The following CFAP97D2 variants were observed in gnomAD, a reference collection of about 807,000 sequenced individuals.
The protein encoded by CFAP97D2 is CFAP97 domain containing 2.
intron 1 of CFAP97D2, among the ~76,000 whole-genome samples, chr13:114,191,370 G>A (rs1408418993): frequency 2.0e-5 from 3 of 152,078 alleles, no homozygotes; most frequent in South Asian, 2.1e-4. Context: ...CAAAAGATAC[G>A]TCTGATAAAA....
rs191314183 is a variant in CFAP97D2 at position 114,203,804 on chromosome 13, G to A, written c.290+3361G>A. On this transcript the variant is annotated intron_variant, in intron 3 of 4. Coordinates refer to ENST00000646158, the Ensembl canonical transcript of CFAP97D2. The surrounding 1 kb of genome is among the most constrained non-coding windows in gnomAD (Gnocchi z 4.3). ...AGGCCCTGGGCAGGTTCCCTCATCT[G>A]CACAAAAGCATCTGGTGTAAACACT... 2.0e-5 allele frequency among the ~76,000 whole-genome samples: 3 copies of A among 152,274 alleles called. No homozygotes were observed. Among genetic ancestry groups the A allele is most frequent in the Non-Finnish European group, 2.9e-5 (2 of 68,028 alleles).
intron 3 of CFAP97D2, among the ~76,000 whole-genome samples, chr13:114,210,644 C>T (rs754962227): frequency 1.3e-5 from 2 of 152,050 alleles, no homozygotes; most frequent in African/African-American, 2.4e-5. Flanking sequence ...AGCACCACTT[C>T]GATGCTGCAG....
chr13:114,189,427 C>A lies in CFAP97D2; in HGVS notation c.91-6969C>A, dbSNP rs779308122. ...ATTTAAGGAAGAAATTTTACCTATT[C>A]TCTACAATCGCTTTCAGAGGACTGA... On this transcript the variant is annotated intron_variant, in intron 1 of 4. Coordinates refer to ENST00000646158, the Ensembl canonical transcript of CFAP97D2. This position sits in a 1 kb window ranked among gnomAD's most constrained non-coding sequence, Gnocchi z 4.5. Among the ~76,000 whole-genome samples the A allele has an allele frequency of 1.3e-5, 2 of 152,176 alleles. No homozygotes were observed. Among genetic ancestry groups the A allele is most frequent in the Non-Finnish European group, 2.9e-5 (2 of 68,036 alleles).
chr13:114,191,717 C>T (rs990811711), intron 1 of CFAP97D2, among the ~76,000 whole-genome samples: 1 of 152,150 alleles, frequency 6.6e-6, no homozygotes, highest in African/African-American at 2.4e-5. Context: ...TATTACCATA[C>T]AATCCAGCAA....
rs940063168 is a variant in CFAP97D2, at chr13:114,211,090, G to A, written c.291-822G>A. ...CACCAACCATCCACCATTATTCCCT[G>A]CTTCCACAAATCTCCCTAGTTCACC... On this transcript the variant is annotated intron_variant, in intron 3 of 4. Transcript: ENST00000646158. The surrounding 1 kb of genome is among the most constrained non-coding windows in gnomAD (Gnocchi z 4.2). 2.6e-4 allele frequency among the ~76,000 whole-genome samples: 40 copies of A among 152,278 alleles called. No individual in the cohort carries two copies. The highest frequency in any genetic ancestry group is 9.4e-4 in the African/African-American group (39 of 41,538).
intron 3 of CFAP97D2, among the ~76,000 whole-genome samples, chr13:114,201,826 G>A (rs2080919237): frequency 6.6e-6 from 1 of 152,190 alleles, no homozygotes. Context: ...CAACATGAGA[G>A]AAACTATAGA....
chr13:114,182,046 C>T (rs183458095), intron 1 of CFAP97D2, among the ~76,000 whole-genome samples: 68 of 152,180 alleles, frequency 4.5e-4, no homozygotes, highest in African/African-American at 1.6e-3. Context: ...CTCAGCATAC[C>T]AAGGACCTGC....
intron 4 of CFAP97D2, among the ~76,000 whole-genome samples, chr13:114,218,354 C>T (rs2081005264): frequency 1.3e-5 from 2 of 152,164 alleles, no homozygotes; most frequent in Admixed American, 6.5e-5. Context: ...GAACTATAAA[C>T]CACTGCTCAA....
rs562238961 is a variant in CFAP97D2, at chr13:114,186,797, C to T, written c.90+7377C>T. On this transcript the variant is annotated intron_variant, in intron 1 of 4. Coordinates refer to ENST00000646158, the Ensembl canonical transcript of CFAP97D2. The surrounding 1 kb of genome is among the most constrained non-coding windows in gnomAD (Gnocchi z 4.3). ...CATCTCACTGCAGCAGCTGGCATGA[C>T]TGGCTGTGCAGTGACTGGACCCCAC... 6.6e-6 allele frequency among the ~76,000 whole-genome samples: 1 copy of T among 152,382 alleles called. No homozygotes were observed. The highest frequency in any genetic ancestry group is 2.4e-5 in the African/African-American group (1 of 41,598).
intron 4 of CFAP97D2, among the ~76,000 whole-genome samples, chr13:114,213,133 C>T (rs73575123): frequency 0.027 from 4,146 of 152,260 alleles, 182 homozygotes; most frequent in African/African-American, 0.094. Context: ...TTCCATCACT[C>T]GCTTTACCTG....
In CFAP97D2 at chr13:114,185,535, C is replaced by T. The variant is rs1027618574; in HGVS notation, c.90+6115C>T. Among the ~76,000 whole-genome samples, 44 of 152,176 alleles carry T rather than the reference C, an allele frequency of 2.9e-4. 1 individual carries two copies. Among genetic ancestry groups the T allele is most frequent in the African/African-American group, 9.2e-4 (38 of 41,448 alleles). The stretch of plus-strand genomic sequence containing the variant: ...AGCTGCAGCCACCTGGCCATGGCTG[C>T]GGACCCAGGCATGTGTGTGGTTCTG... On this transcript the variant is annotated intron_variant, in intron 1 of 4. Transcript: ENST00000646158. The surrounding 1 kb of genome is among the most constrained non-coding windows in gnomAD (Gnocchi z 5.2).
In CFAP97D2 at chr13:114,186,262, C is replaced by T. The variant is rs183998657; in HGVS notation, c.90+6842C>T. On this transcript the variant is annotated intron_variant, in intron 1 of 4. Transcript: ENST00000646158. The surrounding 1 kb of genome is among the most constrained non-coding windows in gnomAD (Gnocchi z 4.3). ...TCTGCTGAGAGCTGAGACGTCAGGA[C>T]AACCAGCTTCAGGGAGGAGCTACCC... Among the ~76,000 whole-genome samples, 1 of 152,180 alleles carries T rather than the reference C, an allele frequency of 6.6e-6. No individual in the cohort carries two copies. The highest frequency in any genetic ancestry group is 6.5e-5 in the Admixed American group (1 of 15,290).
Position 114,185,966 on chromosome 13 carries a change from C to T in CFAP97D2, c.90+6546C>T, listed in dbSNP as rs1235972369. On this transcript the variant is annotated intron_variant, in intron 1 of 4. Transcript: ENST00000646158. The surrounding 1 kb of genome is among the most constrained non-coding windows in gnomAD (Gnocchi z 5.2). Reference sequence around the variant, plus strand: ...TGGGGAGGGCCTGAAGCCTGGGGTTCCAGCTGCCTGTCCTGCAAGCCAGAG... The same window carrying T: ...TGGGGAGGGCCTGAAGCCTGGGGTTTCAGCTGCCTGTCCTGCAAGCCAGAG... Among the ~76,000 whole-genome samples the T allele has an allele frequency of 6.6e-6, 1 of 152,238 alleles. No homozygotes were observed. Among genetic ancestry groups the T allele is most frequent in the African/African-American group, 2.4e-5 (1 of 41,460 alleles).
chr13:114,183,559 G>C (rs2080844824), intron 1 of CFAP97D2, among the ~76,000 whole-genome samples: 1 of 152,158 alleles, frequency 6.6e-6, no homozygotes, highest in Non-Finnish European at 1.5e-5. Flanking sequence ...TTTGGTGTCT[G>C]ATGAGGTCAC....
chr13:114,186,780 T>C lies in CFAP97D2; in HGVS notation c.90+7360T>C, dbSNP rs983892482. On this transcript the variant is annotated intron_variant, in intron 1 of 4. Transcript: ENST00000646158. The surrounding 1 kb of genome is among the most constrained non-coding windows in gnomAD (Gnocchi z 4.3). Reference sequence around the variant, plus strand: ...TGGCACCTGGAGCTGCCCATCTCACTGCAGCAGCTGGCATGACTGGCTGTG... The same window carrying C: ...TGGCACCTGGAGCTGCCCATCTCACCGCAGCAGCTGGCATGACTGGCTGTG... Among the ~76,000 whole-genome samples, 2 of 152,234 alleles carry C rather than the reference T, an allele frequency of 1.3e-5. No homozygotes were observed. Among genetic ancestry groups the C allele is most frequent in the Admixed American group, 1.3e-4 (2 of 15,292 alleles).
chr13:114,187,220 T>A lies in CFAP97D2; in HGVS notation c.90+7800T>A, dbSNP rs1192967781. On this transcript the variant is annotated intron_variant, in intron 1 of 4. Coordinates refer to ENST00000646158, the Ensembl canonical transcript of CFAP97D2. The surrounding 1 kb of genome is among the most constrained non-coding windows in gnomAD (Gnocchi z 4.2). ...TAAGAAGGGAGAGAAAATGGAATCATATAAAATGCTCAATTAAAACCACAA... is the reference window on the plus strand; with the variant it reads ...TAAGAAGGGAGAGAAAATGGAATCAAATAAAATGCTCAATTAAAACCACAA... Among the ~76,000 whole-genome samples, 1 of 152,046 alleles carries A rather than the reference T, an allele frequency of 6.6e-6. No homozygotes were observed. The highest frequency in any genetic ancestry group is 1.5e-5 in the Non-Finnish European group (1 of 68,010).
intron 2 of CFAP97D2, 91 bp downstream of exon 2, chr13:114,196,567 A>C (rs1185855497): frequency 2.5e-6 from 1 of 397,500 alleles, no homozygotes; most frequent in East Asian, 3.6e-5. Flanking sequence ...CAGGGTTAGT[A>C]AGGAATAAAC....
chr13:114,183,413 C>G (rs2138748634), intron 1 of CFAP97D2, among the ~76,000 whole-genome samples: 1 of 152,258 alleles, frequency 6.6e-6, no homozygotes, highest in Admixed American at 6.5e-5. Context: ...GGTGATTAGC[C>G]TGCCTCGACC....
chr13:114,184,552 G>A (rs7983955), intron 1 of CFAP97D2, among the ~76,000 whole-genome samples: 14,277 of 152,204 alleles, frequency 0.094, 689 homozygotes, highest in Middle Eastern at 0.17. Context: ...TCCTCCAGCC[G>A]GTAACCAGGA....
Sources: gnomAD v4.1 joint callset for allele counts (sites outside exome capture counted in the v4.1 genomes callset) on GRCh38, gnomAD v4.1.1 for gene constraint, Gnocchi (gnomAD v3.1) non-coding constraint, MANE v1.5 for transcripts, NCBI Gene and HGNC (gene_info 2026-07-23, HGNC 2026-07-21) for gene names.